POU2F3: variants seen among roughly 807,000 people sequenced by gnomAD.
POU2F3 encodes POU class 2 homeobox 3.
In POU2F3, 23 loss-of-function variants were observed where a neutral mutation model predicts 59.2. The ratio of observed to expected loss-of-function variants is 0.39; its 90% CI spans 0.28 to 0.55. The LOEUF (loss-of-function observed/expected upper bound fraction) is 0.55, where lower values mean the gene tolerates loss of function less well. POU2F3 is among the 20% of genes least tolerant of loss of function. POU2F3 has a pLI of 0.66. For synonymous variants in POU2F3, 190 were observed against 214.6 expected (o/e 0.89, Z 1.00); for missense variants, 473 against 544.5 (o/e 0.87, Z 1.31).
intron 2 of POU2F3, among the ~76,000 whole-genome samples, chr11:120,261,636 A>G (rs573408008): frequency 5.3e-5 from 8 of 152,168 alleles, no homozygotes; most frequent in African/African-American, 1.9e-4. Context: ...TTAATCTTTT[A>G]TTTGTATACA....
intron 3 of POU2F3, among the ~76,000 whole-genome samples, chr11:120,275,509 C>T (rs1043225974): frequency 1.2e-4 from 19 of 152,206 alleles, no homozygotes; most frequent in African/African-American, 4.6e-4. Flanking sequence ...GGTGGCCTCA[C>T]ACCTGCTCTG....
intron 2 of POU2F3, chr11:120,256,704 G>A (rs1394004775): frequency 6.6e-6 from 1 of 152,250 alleles, no homozygotes; most frequent in Non-Finnish European, 1.5e-5. Context: ...AACATGGCAG[G>A]AAGAAGGGGA....
rs759518798 is a variant in POU2F3, at chr11:120,299,740, G to T, written c.361+14G>T. The T allele has an allele frequency of 8.7e-6, 14 of 1,603,786 alleles. No individual in the cohort carries two copies. The highest frequency in any genetic ancestry group is 1.7e-4 in the Middle Eastern group (1 of 6,026). ...CTGGGCAGCAAGGTAAGAACCCTGG[G>T]GGTTTCCACCTAGACCAAGTCCAGT... On this transcript the variant is annotated intron_variant, in intron 5 of 12. Transcript: ENST00000543440.
At chr11:120,283,085 C>T (rs890361396) in intron 3 of POU2F3, among the ~76,000 whole-genome samples, 7 of 152,146 alleles carry the variant, frequency 4.6e-5, no homozygotes, top group South Asian at 2.1e-4. Context: ...GACTCTAAGG[C>T]GAGAGCTGCC....
At chr11:120,273,044 C>G (rs1202512607) in intron 3 of POU2F3, among the ~76,000 whole-genome samples, 2 of 152,218 alleles carry the variant, frequency 1.3e-5, no homozygotes, top group African/African-American at 4.8e-5. Context: ...GACTTCCACT[C>G]GACTTCCATT....
intron 5 of POU2F3, chr11:120,301,520 A>G (rs895102138): frequency 6.5e-6 from 1 of 154,662 alleles, no homozygotes; most frequent in African/African-American, 2.4e-5. Flanking sequence ...CAGAGACCCC[A>G]AAGTGCTGTT....
intron 3 of POU2F3, among the ~76,000 whole-genome samples, chr11:120,290,101 G>T (rs1233466243): frequency 6.6e-6 from 1 of 152,194 alleles, no homozygotes; most frequent in Non-Finnish European, 1.5e-5. Flanking sequence ...CAGACCTCGG[G>T]CTGCCTCACT....
chr11:120,276,752 G>T (rs1940342710), intron 3 of POU2F3, among the ~76,000 whole-genome samples: 2 of 152,210 alleles, frequency 1.3e-5, no homozygotes, highest in Non-Finnish European at 2.9e-5. Context: ...CTATGTTGGA[G>T]ATACGGTTTT....
upstream of POU2F3, chr11:120,240,103 C>T (rs992517085): frequency 2.6e-6 from 3 of 1,144,090 alleles, no homozygotes; most frequent in Middle Eastern, 3.7e-4. Context: ...GGGGCGTGGC[C>T]GGCGGCCCCC....
intron 2 of POU2F3, among the ~76,000 whole-genome samples, chr11:120,248,124 A>G (rs1338392902): frequency 6.6e-6 from 1 of 152,208 alleles, no homozygotes; most frequent in Non-Finnish European, 1.5e-5. Flanking sequence ...TCTGGGAGCT[A>G]TATATAAAGT....
chr11:120,267,360 C>T (rs1939870078), intron 2 of POU2F3, among the ~76,000 whole-genome samples: 1 of 152,112 alleles, frequency 6.6e-6, no homozygotes, highest in South Asian at 2.1e-4. Flanking sequence ...AACTCCTGAC[C>T]TCAAATGATA....
At chr11:120,290,384 C>A (rs1199959938) in intron 3 of POU2F3, among the ~76,000 whole-genome samples, 4 of 152,188 alleles carry the variant, frequency 2.6e-5, no homozygotes, top group Non-Finnish European at 5.9e-5. Context: ...TTTACCCCAA[C>A]TGTGCACCAT....
intron 5 of POU2F3, 151 bp from the exon 6 acceptor site, chr11:120,302,135 G>A (rs1005202741): frequency 3.2e-6 from 2 of 631,870 alleles, no homozygotes; most frequent in African/African-American, 1.8e-5. Context: ...AGTGCTAGGA[G>A]GGCCTCTCCA....
chr11:120,245,832 G>T (rs181242487), intron 1 of POU2F3, among the ~76,000 whole-genome samples: 1 of 152,214 alleles, frequency 6.6e-6, no homozygotes, highest in East Asian at 1.9e-4. Context: ...TAGGAGAGAA[G>T]GTAAGGATCC....
At chr11:120,236,980 A>G (rs115492284), upstream of POU2F3, among the ~76,000 whole-genome samples, 239 of 152,314 alleles carry the variant, frequency 1.6e-3, no homozygotes, top group African/African-American at 5.6e-3. Context: ...GAAGGGTTCA[A>G]TGATATCTAG....
At chr11:120,264,742 C>T (rs1347524817) in intron 2 of POU2F3, among the ~76,000 whole-genome samples, 1 of 152,198 alleles carries the variant, frequency 6.6e-6, no homozygotes, top group Non-Finnish European at 1.5e-5. Flanking sequence ...ACCAAGTTCA[C>T]ATAGCTTGGT....
At chr11:120,237,932 T>C (rs1459935344), upstream of POU2F3, among the ~76,000 whole-genome samples, 3 of 152,070 alleles carry the variant, frequency 2.0e-5, no homozygotes, top group East Asian at 5.8e-4. Context: ...CTGGTCTCTT[T>C]CCTCACCCAG....
chr11:120,281,981 G>C (rs1043215075), intron 3 of POU2F3, among the ~76,000 whole-genome samples: 2 of 152,168 alleles, frequency 1.3e-5, no homozygotes, highest in African/African-American at 4.8e-5. Context: ...TATTCCCATT[G>C]CAACAATTTA....
At position 120,243,674 on chromosome 11, in the gene POU2F3, C is replaced by T. The variant is rs568400701; in HGVS notation, c.29-2775C>T. On this transcript the variant is annotated intron_variant, in intron 1 of 12. Transcript: ENST00000543440. ...AGGGTTACAGTGTCTCAGGGAGTTT[C>T]GGTGTTGGCCCATTTTTAGGCTGAG... is the stretch of plus-strand genomic sequence containing the variant. Among the ~76,000 whole-genome samples, 60 of 152,314 alleles carry T rather than the reference C, an allele frequency of 3.9e-4. No homozygotes were observed. In the South Asian group the frequency reaches 9.8e-3, roughly 25 times the overall value.
Sources: gnomAD v4.1 joint callset for allele counts (sites outside exome capture counted in the v4.1 genomes callset) on GRCh38, gnomAD v4.1.1 for gene constraint, MANE v1.5 for transcripts, NCBI Gene and HGNC (gene_info 2026-07-23, HGNC 2026-07-21) for gene names.